NOC4L: variants seen among roughly 807,000 people sequenced by gnomAD.
The protein encoded by NOC4L is nucleolar complex protein 4 homolog.
NOC4L carries 40 observed loss-of-function variants against 62.8 expected under a neutral mutation model. That is an observed-to-expected ratio of 0.64 (90% confidence interval 0.49 to 0.83). The LOEUF is 0.83. Among genes scored for constraint, NOC4L ranks in the 40% least tolerant of loss-of-function variants. NOC4L has a pLI of 0.00. For synonymous variants in NOC4L, 433 were observed against 299.8 expected, an observed-to-expected ratio of 1.44 and a Z score of -4.59; for missense variants, 927 against 701.9, an observed-to-expected ratio of 1.32 and a Z score of -3.62.
chr12:132,148,706 C>G lies in NOC4L; in HGVS notation c.789+47C>G, dbSNP rs1375529012. 4 of 1,522,368 alleles carry G rather than the reference C, an allele frequency of 2.6e-6. No homozygotes were observed. In the East Asian group the frequency reaches 7.5e-5, roughly 28 times the overall value. The allele number at this position is 1,522,368 out of a possible 1,614,324, so 94.3% of individuals were successfully genotyped here. ...GGGCGGGGGCGGCATCCGGGTCTCC[C>G]CCAGGGCGGAGGCCTCACCCCGACC... On this transcript the variant is annotated intron_variant, in intron 8 of 14. Coordinates refer to ENST00000330579, the MANE Select transcript of NOC4L (RefSeq NM_024078.3).
Position 132,147,894 on chromosome 12 carries a change from T to A in NOC4L, c.618T>A (p.Phe206Leu). 2 of 1,608,864 alleles carry A rather than the reference T, an allele frequency of 1.2e-6. No individual in the cohort carries two copies. The highest frequency in any genetic ancestry group is 1.7e-6 in the Non-Finnish European group (2 of 1,178,840). Residue 206 changes from phenylalanine (F) to leucine (L), a missense_variant, in exon 6 of 15, where the codon TTT becomes TTA. By Grantham distance (22) the Phe-to-Leu change is conservative. Coordinates refer to ENST00000330579, the MANE Select transcript of NOC4L (RefSeq NM_024078.3). ...AGGCTCCGCAGGTGCCCCCCGCCTT[T>A]TGGAACAATGCCTTCACGCTGCTGT... ...TGQHPEVPPAFWNNAFTLLSA... is the reference protein window; with the variant it reads ...TGQHPEVPPALWNNAFTLLSA...
Position 132,147,262 on chromosome 12 carries a change from T to C in NOC4L, c.346-19T>C. ...TGGGGTGAGGGCATCACAGCCACCC[T>C]GCACTGCCCCCTTCCCAGGAGCTGG... On this transcript the variant is annotated intron_variant, in intron 3 of 14. Transcript: ENST00000330579. The C allele has an allele frequency of 6.7e-7, 1 of 1,502,852 alleles. No homozygotes were observed. The highest frequency in any genetic ancestry group is 2.5e-5 in the East Asian group (1 of 40,362). The allele number at this position is 1,502,852 out of a possible 1,614,324, so 93.1% of individuals were successfully genotyped here. A position where few individuals can be genotyped will look rare whatever the true frequency, so the allele number is the denominator to read the frequency against.
chr12:132,151,952 C>T, intron 13 of NOC4L, 132 bp downstream of exon 13: 1 of 1,238,514 alleles, frequency 8.1e-7, no homozygotes, highest in Non-Finnish European at 1.1e-6. Flanking sequence ...TTTGTGGGTG[C>T]TGGGTGCTTG....
intron 13 of NOC4L, 69 bp from the exon 14 acceptor site, chr12:132,152,015 G>T: frequency 6.9e-7 from 1 of 1,450,470 alleles, no homozygotes; most frequent in East Asian, 2.4e-5. Context: ...GGGAGCACAG[G>T]GAGGCCATGG....
chr12:132,151,749 G>C lies in NOC4L; in HGVS notation c.1246G>C (p.Asp416His), dbSNP rs757837676. The C allele has an allele frequency of 6.2e-7, 1 of 1,612,356 alleles. No homozygotes were observed. The highest frequency in any genetic ancestry group is 8.5e-7 in the Non-Finnish European group (1 of 1,179,806). Residue 416 changes from aspartate (D) to histidine (H), a missense_variant, in exon 13 of 15, where the codon GAC becomes CAC. Coordinates refer to ENST00000330579, the MANE Select transcript of NOC4L (RefSeq NM_024078.3). ...HRPHGPELDA[D>H]PYDPGEEDPA... ...CGTCTCATTCCTAGAGTTGGACGCCGACCCCTACGACCCTGGAGAGGAGGA... is the reference window on the plus strand; with the variant it reads ...CGTCTCATTCCTAGAGTTGGACGCCCACCCCTACGACCCTGGAGAGGAGGA...
chr12:132,148,199 C>T, intron 7 of NOC4L, 93 bp downstream of exon 7: 1 of 1,288,146 alleles, frequency 7.8e-7, no homozygotes, highest in Non-Finnish European at 1.1e-6. Context: ...GCCTTCCTCA[C>T]CAGAGGAAAC....
At chr12:132,152,229 G>A in intron 14 of NOC4L, 32 bp downstream of exon 14, 1 of 1,602,762 alleles carries the variant, frequency 6.2e-7, no homozygotes, top group South Asian at 1.1e-5. Flanking sequence ...CGAGGGTCTG[G>A]GCCACGGGGC....
In NOC4L at chr12:132,151,565, C is replaced by T; in HGVS notation, c.1155C>T (p.Leu385=). ...LALTAPPEAL[L]MVLPFICNLL... is the part of the protein sequence containing the mutation. ...TGACGGCTCCCCCTGAGGCCCTGCT[C>T]ATGGTCCTGCCTTTCATCTGTAACC... Residue 385 remains leucine (L), a synonymous_variant, in exon 12 of 15, where the codon CTC becomes CTT. Transcript: ENST00000330579. 1.9e-6 allele frequency: 3 copies of T among 1,610,658 alleles called. No homozygotes were observed. The highest frequency in any genetic ancestry group is 2.5e-6 in the Non-Finnish European group (3 of 1,179,312).
At chr12:132,151,065 T>C in intron 10 of NOC4L, 24 bp downstream of exon 10, 1 of 1,600,706 alleles carries the variant, frequency 6.2e-7, no homozygotes, top group Non-Finnish European at 8.5e-7. Flanking sequence ...GGGGTGCAGG[T>C]CTTCTTCCCA....
chr12:132,150,884 G>A (rs1423268674), intron 9 of NOC4L, 97 bp from the exon 10 acceptor site: 4 of 869,992 alleles, frequency 4.6e-6, no homozygotes, highest in African/African-American at 1.7e-5. Context: ...GACAGCAGGG[G>A]CAGAGGCCAC....
In NOC4L at chr12:132,148,123, G is replaced by A. The variant is rs1338010621; in HGVS notation, c.738+17G>A. On this transcript the variant is annotated intron_variant, in intron 7 of 14. Transcript: ENST00000330579. Reference sequence around the variant, plus strand: ...CACCTGAAGGTGAGTTGCTTCTGGAGAGCCGGGCACCCTCCCGGGTTTGGG... The same window carrying A: ...CACCTGAAGGTGAGTTGCTTCTGGAAAGCCGGGCACCCTCCCGGGTTTGGG... 5.0e-6 allele frequency: 8 copies of A among 1,612,836 alleles called. No homozygotes were observed. The highest frequency in any genetic ancestry group is 1.1e-5 in the South Asian group (1 of 91,046).
In NOC4L at chr12:132,148,669, A is replaced by C. The variant is rs529346411; in HGVS notation, c.789+10A>C. The C allele has an allele frequency of 2.3e-5, 16 of 684,510 alleles. No individual in the cohort carries two copies. The highest frequency in any genetic ancestry group is 3.4e-5 in the Non-Finnish European group (15 of 447,608). The allele number at this position is 684,510 out of a possible 1,614,324, so 42.4% of individuals were successfully genotyped here. ...CTTCCTCAAGCACAAGGTAGGGGCCAGGCCGGGGAGGGGGCGGGGGCGGCA... is the reference window on the plus strand; with the variant it reads ...CTTCCTCAAGCACAAGGTAGGGGCCCGGCCGGGGAGGGGGCGGGGGCGGCA... On this transcript the variant is annotated intron_variant, in intron 8 of 14. Coordinates refer to ENST00000330579, the MANE Select transcript of NOC4L (RefSeq NM_024078.3).
At chr12:132,145,266 C>T (rs989615109) in intron 2 of NOC4L, among the ~76,000 whole-genome samples, 2 of 152,228 alleles carry the variant, frequency 1.3e-5, no homozygotes, top group African/African-American at 2.4e-5. Context: ...TCGGAGCTTC[C>T]TTTATGTCCC....
In NOC4L at chr12:132,152,202, G is replaced by A. The variant is rs371815815; in HGVS notation, c.1431+5G>A. On this transcript the variant is annotated splice_donor_5th_base_variant and intron_variant, in intron 14 of 14. Transcript: ENST00000330579. ...CTGGAGCTCACGGCCTACGAGGTGC[G>A]GAACTGGGCCAGGGTGCGAGGGTCT... 58 of 1,610,824 alleles carry A rather than the reference G, an allele frequency of 3.6e-5. No individual in the cohort carries two copies. The highest frequency in any genetic ancestry group is 1.2e-4 in the African/African-American group (9 of 75,014).
chr12:132,145,211 C>T (rs112820259), intron 2 of NOC4L, among the ~76,000 whole-genome samples: 3 of 152,188 alleles, frequency 2.0e-5, no homozygotes, highest in Non-Finnish European at 4.4e-5. Context: ...CTTTGCACCC[C>T]TTTTGTAATT....
At position 132,144,590 on chromosome 12, in the gene NOC4L, C is replaced by G; in HGVS notation, c.102C>G (p.Ile34Met). 6.6e-7 allele frequency: 1 copy of G among 1,521,034 alleles called. No homozygotes were observed. Among genetic ancestry groups the G allele is most frequent in the South Asian group, 1.2e-5 (1 of 82,354 alleles). 94.2% of individuals were successfully genotyped at this position (1,521,034 alleles called of 1,614,324 possible). A position where few individuals can be genotyped will look rare whatever the true frequency, so the allele number is the denominator to read the frequency against. The change falls in exon 1 of 15, where the codon ATC becomes ATG. Residue 34 changes from isoleucine (I) to methionine (M), a missense_variant. By Grantham distance (10) the Ile-to-Met change is conservative. Transcript: ENST00000330579. ...GTGAGGCCAACGCCGTGTTCGACAT[C>G]CTGGCCGTGCTGCAGGTGGGCCTGG... ...SRSEANAVFD[I>M]LAVLQSEDQE...
intron 9 of NOC4L, 22 bp downstream of exon 9, chr12:132,148,917 A>C (rs76209745): frequency 0.016 from 13,283 of 817,412 alleles, 889 homozygotes; most frequent in African/African-American, 0.089. Flanking sequence ...CGCCTCGCTC[A>C]CACCACACCC....
chr12:132,151,445 G>C (rs1261325070), intron 11 of NOC4L, 39 bp from the exon 12 acceptor site: 1 of 1,599,820 alleles, frequency 6.3e-7, no homozygotes, highest in South Asian at 1.1e-5. Context: ...GTGGGGGCTA[G>C]CAGTCCGGGC....
At chr12:132,148,742 C>A (rs747920673) in intron 8 of NOC4L, 42 bp from the exon 9 acceptor site, 1 of 442,828 alleles carries the variant, frequency 2.3e-6, no homozygotes, top group East Asian at 7.4e-5. Context: ...CGCCGGCCCC[C>A]GCCCACCCGC....
Sources: allele counts gnomAD v4.1 joint callset (sites outside exome capture counted in the v4.1 genomes callset), GRCh38; gene constraint gnomAD v4.1.1; transcripts MANE v1.5; gene names NCBI Gene and HGNC (gene_info 2026-07-23, HGNC 2026-07-21).